AFF3: variants seen among roughly 807,000 people sequenced by gnomAD.
AFF3 encodes the protein ALF transcription elongation factor 3.
A neutral mutation model predicts 129.7 loss-of-function variants in AFF3; 32 were observed. The ratio of observed to expected loss-of-function variants is 0.25; its 90% CI spans 0.19 to 0.33. AFF3 has a LOEUF of 0.33. Among genes scored for constraint, AFF3 ranks in the 10% least tolerant of loss-of-function variants. AFF3 has a pLI of 1.00. For synonymous variants in AFF3, 644 were observed against 635.4 expected, an observed-to-expected ratio of 1.01 and a Z score of -0.20; for missense variants, 1,373 against 1,592.0, an observed-to-expected ratio of 0.86 and a Z score of 2.34.
rs184380237 is a variant in AFF3, at chr2:99,625,851, T to G, written c.1184+23775A>C. Reference sequence around the variant, plus strand: ...TTCTCTTTAGAGCTTTTGAATTAGTTGAAGGGGATGAAAGGCAAGCTTTAT... The same window carrying G: ...TTCTCTTTAGAGCTTTTGAATTAGTGGAAGGGGATGAAAGGCAAGCTTTAT... On this transcript the variant is annotated intron_variant, in intron 13 of 24. Transcript: ENST00000672756. Among the ~76,000 whole-genome samples, 428 of 152,334 alleles carry G rather than the reference T, an allele frequency of 2.8e-3. 2 individuals carry two copies. The highest frequency in any genetic ancestry group is 9.7e-3 in the African/African-American group (405 of 41,572).
At chr2:99,648,873 C>T (rs1442450108) in intron 13 of AFF3, among the ~76,000 whole-genome samples, 7 of 71,748 alleles carry the variant, frequency 9.8e-5, no homozygotes, top group Non-Finnish European at 8.7e-5. Context: ...GACAGTTCCT[C>T]AAAACACGCG....
intron 7 of AFF3, among the ~76,000 whole-genome samples, chr2:99,882,587 G>A (rs1692805210): frequency 6.6e-6 from 1 of 152,190 alleles, no homozygotes; most frequent in African/African-American, 2.4e-5. Context: ...CTAGAGAAGG[G>A]GCATCTCTCT....
intron 20 of AFF3, among the ~76,000 whole-genome samples, chr2:99,560,776 T>C (rs10180483): frequency 2.0e-4 from 30 of 152,346 alleles, no homozygotes; most frequent in African/African-American, 7.0e-4. Flanking sequence ...GCTGAGTGTC[T>C]GACAGATGGA....
chr2:100,125,951 T>C (rs1692168986), intron 2 of AFF3, among the ~76,000 whole-genome samples: 1 of 152,136 alleles, frequency 6.6e-6, no homozygotes, highest in Non-Finnish European at 1.5e-5. Flanking sequence ...GTGCACACAC[T>C]TGGGACCAGG....
intron 11 of AFF3, among the ~76,000 whole-genome samples, chr2:99,694,730 G>A (rs1575717030): frequency 1.3e-5 from 2 of 152,184 alleles, no homozygotes; most frequent in South Asian, 2.1e-4. Context: ...GTTTTGAGAC[G>A]GAGTCTTGCT....
chr2:99,902,011 C>G (rs565537451), intron 7 of AFF3, among the ~76,000 whole-genome samples: 2 of 151,518 alleles, frequency 1.3e-5, no homozygotes, highest in East Asian at 3.9e-4. Context: ...TCTGTGCCTC[C>G]TTTGCGTCTC....
At chr2:99,637,182 A>G (rs907302488) in intron 13 of AFF3, among the ~76,000 whole-genome samples, 6 of 152,278 alleles carry the variant, frequency 3.9e-5, no homozygotes, top group Non-Finnish European at 5.9e-5. Context: ...GAGATGAAAA[A>G]CAGAACAAAA....
chr2:99,987,518 T>C (rs1332790651), intron 7 of AFF3, among the ~76,000 whole-genome samples: 2 of 152,236 alleles, frequency 1.3e-5, no homozygotes, highest in African/African-American at 4.8e-5. Context: ...GTATTTATTC[T>C]CAACTTTAGC....
At chr2:99,635,223 T>A (rs533202263) in intron 13 of AFF3, among the ~76,000 whole-genome samples, 1 of 151,980 alleles carries the variant, frequency 6.6e-6, no homozygotes, top group African/African-American at 2.4e-5. Context: ...TATACACATA[T>A]CTATGTATAT....
At chr2:99,688,156 CTA>C (rs1444886323) in intron 11 of AFF3, among the ~76,000 whole-genome samples, 3 of 152,098 alleles carry the variant, frequency 2.0e-5, no homozygotes, top group African/African-American at 7.2e-5. Flanking sequence ...TCATTTATTT[CTA>C]TCAGTATGGA....
chr2:100,050,243 G>C lies in AFF3; in HGVS notation c.54-41311C>G, dbSNP rs377140474. Among the ~76,000 whole-genome samples, 25 of 152,164 alleles carry C rather than the reference G, an allele frequency of 1.6e-4. No individual in the cohort carries two copies. The South Asian group carries it at 5.2e-3, about 32-fold the overall frequency. Reference sequence around the variant, plus strand: ...TATGCTTGCAAATGGCTTCACGGTTGTCTCTCAAAATATTTAGTCACAACA... The same window carrying C: ...TATGCTTGCAAATGGCTTCACGGTTCTCTCTCAAAATATTTAGTCACAACA... On this transcript the variant is annotated intron_variant, in intron 4 of 24. Transcript: ENST00000672756.
At chr2:99,888,009 T>C (rs572003105) in intron 7 of AFF3, among the ~76,000 whole-genome samples, 1 of 152,340 alleles carries the variant, frequency 6.6e-6, no homozygotes, top group African/African-American at 2.4e-5. Flanking sequence ...CACTCACTAT[T>C]TGTAATCAAA....
At chr2:100,116,699 A>G (rs1479385379) in intron 2 of AFF3, among the ~76,000 whole-genome samples, 1 of 151,876 alleles carries the variant, frequency 6.6e-6, no homozygotes, top group Non-Finnish European at 1.5e-5. Context: ...TATATATTAA[A>G]CCCCCAAAGA....
At chr2:99,659,209 C>T (rs1164560717) in intron 12 of AFF3, among the ~76,000 whole-genome samples, 1 of 152,160 alleles carries the variant, frequency 6.6e-6, no homozygotes, top group Non-Finnish European at 1.5e-5. Context: ...AAGATCCAAG[C>T]TCAGCTGCCT....
chr2:99,672,178 T>TCA (rs1177303721), intron 12 of AFF3, among the ~76,000 whole-genome samples: 913 of 56,224 alleles, frequency 0.016, 5 homozygotes, highest in Non-Finnish European at 0.022. Context: ...AGTTAGCTTC[T>TCA]CACACACACA....
chr2:100,103,903 G>A (rs1305255590), intron 4 of AFF3, among the ~76,000 whole-genome samples: 1 of 149,946 alleles, frequency 6.7e-6, no homozygotes, highest in African/African-American at 2.5e-5. Context: ...AAGTGGGTGG[G>A]AGAGACAGAA....
At position 99,767,175 on chromosome 2, in the gene AFF3, A is replaced by G. The variant is rs555200363; in HGVS notation, c.922-14874T>C. On this transcript the variant is annotated intron_variant, in intron 8 of 24. Coordinates refer to ENST00000672756, the MANE Select transcript of AFF3 (RefSeq NM_001386135.1). ...GACTACTCTAGGTCTTGGGAAACAA[A>G]GCAGAATACAACAGACATGGCCCCT... Among the ~76,000 whole-genome samples the G allele has an allele frequency of 7.9e-5, 12 of 152,382 alleles. No homozygotes were observed. In the East Asian group the frequency reaches 1.9e-3, roughly 24 times the overall value.
chr2:99,632,793 C>G (rs549710870), intron 13 of AFF3, among the ~76,000 whole-genome samples: 2 of 152,136 alleles, frequency 1.3e-5, no homozygotes, highest in Non-Finnish European at 2.9e-5. Context: ...TGAAGTCTCA[C>G]GTAATTAAAA....
intron 8 of AFF3, among the ~76,000 whole-genome samples, chr2:99,831,208 T>C (rs1472137797): frequency 2.0e-5 from 3 of 152,240 alleles, no homozygotes; most frequent in African/African-American, 7.2e-5. Context: ...AATGAAATGA[T>C]GTTATTTGAG....
Sources: allele counts gnomAD v4.1 joint callset (sites outside exome capture counted in the v4.1 genomes callset), GRCh38; gene constraint gnomAD v4.1.1; transcripts MANE v1.5; gene names NCBI Gene and HGNC (gene_info 2026-07-23, HGNC 2026-07-21).